The following HS2ST1 variants were observed in gnomAD, a reference collection of about 807,000 sequenced individuals.
HS2ST1 encodes the protein heparan sulfate 2-O-sulfotransferase 1, also known as 2-O-sulfotransferase.
In HS2ST1, 18 loss-of-function variants were observed where a neutral mutation model predicts 42.9. That is an observed-to-expected ratio of 0.42 (90% CI 0.29 to 0.62). HS2ST1 has a LOEUF of 0.62. Among genes scored for constraint, HS2ST1 ranks in the 20% least tolerant of loss-of-function variants. The probability of loss-of-function intolerance (pLI) is 0.21; values close to 1 mark genes in which losing one functional copy is unlikely to be tolerated. For synonymous variants in HS2ST1, 146 were observed against 152.9 expected (o/e 0.95, Z 0.33); for missense variants, 334 against 433.8 (o/e 0.77, Z 2.04).
intron 1 of HS2ST1, among the ~76,000 whole-genome samples, chr1:86,972,543 A>T (rs1231956860): frequency 3.3e-5 from 5 of 152,132 alleles, no homozygotes. Flanking sequence ...TTAATCTCTT[A>T]TTGTGCCTAA....
intron 1 of HS2ST1, among the ~76,000 whole-genome samples, chr1:86,951,839 T>A (rs539681814): frequency 6.6e-6 from 1 of 152,358 alleles, no homozygotes; most frequent in Admixed American, 6.5e-5. Context: ...TTGTTGTCAT[T>A]TCAGCATGTT....
In HS2ST1 at chr1:86,984,394, G is replaced by A. The variant is rs75383137; in HGVS notation, c.124+69234G>A. On this transcript the variant is annotated intron_variant, in intron 1 of 6. Transcript: ENST00000370550. ...TTGGAATTCATTTGGTTTCCTCGAC[G>A]CTTTCTAGCAGGAAGCTTTTCTCAA... 1.9e-3 allele frequency among the ~76,000 whole-genome samples: 294 copies of A among 152,258 alleles called. 1 individual carries two copies. Among genetic ancestry groups the A allele is most frequent in the African/African-American group, 6.7e-3 (280 of 41,548 alleles).
chr1:87,033,211 CTTT>C (rs752803008), intron 1 of HS2ST1, among the ~76,000 whole-genome samples: 5 of 152,224 alleles, frequency 3.3e-5, no homozygotes, highest in Admixed American at 6.5e-5. Flanking sequence ...CATGTCTAAT[CTTT>C]TTCCATCTGT....
intron 1 of HS2ST1, among the ~76,000 whole-genome samples, chr1:86,936,119 T>C (rs1039690805): frequency 3.3e-5 from 5 of 152,172 alleles, no homozygotes; most frequent in Non-Finnish European, 7.4e-5. Context: ...TTCCCTGCCT[T>C]CTGAAGAGTA....
chr1:87,077,173 C>G, intron 2 of HS2ST1, among the ~76,000 whole-genome samples: 1 of 152,176 alleles, frequency 6.6e-6, no homozygotes, highest in Non-Finnish European at 1.5e-5. Flanking sequence ...GATGATGATT[C>G]TCAGTAGGGA....
At chr1:86,973,267 A>G (rs1000663737) in intron 1 of HS2ST1, among the ~76,000 whole-genome samples, 3 of 150,562 alleles carry the variant, frequency 2.0e-5, no homozygotes, top group Non-Finnish European at 4.4e-5. Flanking sequence ...CTATGGATTT[A>G]TCATTCAAAA....
At chr1:87,061,668 T>C (rs1277443643) in intron 1 of HS2ST1, among the ~76,000 whole-genome samples, 1 of 152,202 alleles carries the variant, frequency 6.6e-6, no homozygotes, top group Non-Finnish European at 1.5e-5. Flanking sequence ...GGATTGTTTC[T>C]ACCTTTTGGC....
rs558333012 is a variant in HS2ST1, at chr1:87,085,974, A to C, written c.449+1695A>C. ...GAGTCTTATGTTATTTGAAGGGAAAAGTATTGTGAAAATTTTTCATAGATT... is the reference window on the plus strand; with the variant it reads ...GAGTCTTATGTTATTTGAAGGGAAACGTATTGTGAAAATTTTTCATAGATT... On this transcript the variant is annotated intron_variant, in intron 3 of 6. Coordinates refer to ENST00000370550, the MANE Select transcript of HS2ST1 (RefSeq NM_012262.4). Among the ~76,000 whole-genome samples, 10 of 152,304 alleles carry C rather than the reference A, an allele frequency of 6.6e-5. No homozygotes were observed. The South Asian group carries it at 2.1e-3, about 32-fold the overall frequency.
At position 87,107,212 on chromosome 1, in the gene HS2ST1, C is replaced by T. The variant is rs1207203855; in HGVS notation, c.*2516C>T. 1.3e-5 allele frequency: 2 copies of T among 152,004 alleles called. No individual in the cohort carries two copies. Among genetic ancestry groups the T allele is most frequent in the Non-Finnish European group, 2.9e-5 (2 of 67,930 alleles). The allele number at this position is 152,004 out of a possible 1,614,324, so 9.4% of individuals were successfully genotyped here. On this transcript the variant is annotated 3_prime_UTR_variant, in exon 7 of 7. Transcript: ENST00000370550. ...AAGAGTTTATATACTTCTAAAAGCT[C>T]CTAACTTATATCCAAAGAATTGCTT...
rs191664542 is a variant in HS2ST1 at position 86,994,539 on chromosome 1, A to G, written c.125-78395A>G. 2.6e-3 allele frequency among the ~76,000 whole-genome samples: 393 copies of G among 152,326 alleles called. 4 individuals are homozygous for G. Among genetic ancestry groups the G allele is most frequent in the Admixed American group, 0.015 (234 of 15,296 alleles). Reference sequence around the variant, plus strand: ...TATGAGATTGAAATTTGTTACACAAAGAGGTTACTATCCTTTTTTTGAGGA... The same window carrying G: ...TATGAGATTGAAATTTGTTACACAAGGAGGTTACTATCCTTTTTTTGAGGA... On this transcript the variant is annotated intron_variant, in intron 1 of 6. Transcript: ENST00000370550.
chr1:87,085,124 A>T (rs543146654), intron 3 of HS2ST1, among the ~76,000 whole-genome samples: 1 of 152,330 alleles, frequency 6.6e-6, no homozygotes, highest in East Asian at 1.9e-4. Flanking sequence ...TTGGTAGTAC[A>T]CATAGTACCA....
At chr1:87,075,007 T>C (rs1254414792) in intron 2 of HS2ST1, among the ~76,000 whole-genome samples, 1 of 152,116 alleles carries the variant, frequency 6.6e-6, no homozygotes, top group Non-Finnish European at 1.5e-5. Context: ...TTACTTCACT[T>C]TTAATCTAGT....
At chr1:86,998,014 A>G (rs1300258143) in intron 1 of HS2ST1, among the ~76,000 whole-genome samples, 1 of 152,200 alleles carries the variant, frequency 6.6e-6, no homozygotes, top group Non-Finnish European at 1.5e-5. Context: ...ATTGTCCACT[A>G]TCTGAATGAA....
At chr1:87,077,618 CCTGTCTTTTCCT>C (rs1181259225) in intron 2 of HS2ST1, among the ~76,000 whole-genome samples, 1 of 152,092 alleles carries the variant, frequency 6.6e-6, no homozygotes, top group East Asian at 1.9e-4. Context: ...TTGTTTACTG[CCTGTCTTTTCCT>C]CTATTATAAG....
At chr1:87,019,477 A>C in intron 1 of HS2ST1, among the ~76,000 whole-genome samples, 1 of 152,218 alleles carries the variant, frequency 6.6e-6, no homozygotes, top group Non-Finnish European at 1.5e-5. Flanking sequence ...AAATTTGTGA[A>C]ATATCTTTTT....
intron 1 of HS2ST1, among the ~76,000 whole-genome samples, chr1:86,988,729 C>T (rs921003427): frequency 6.6e-6 from 1 of 152,162 alleles, no homozygotes; most frequent in Non-Finnish European, 1.5e-5. Flanking sequence ...CCACTACTGC[C>T]GGAATGGCGT....
At chr1:87,036,575 A>C (rs1286901839) in intron 1 of HS2ST1, among the ~76,000 whole-genome samples, 1 of 152,216 alleles carries the variant, frequency 6.6e-6, no homozygotes, top group African/African-American at 2.4e-5. Flanking sequence ...AGGTTATAGG[A>C]ATGTAACAGT....
intron 1 of HS2ST1, among the ~76,000 whole-genome samples, chr1:87,063,587 G>A (rs1369601109): frequency 1.3e-5 from 2 of 152,188 alleles, no homozygotes; most frequent in African/African-American, 2.4e-5. Flanking sequence ...CACCCGCCTC[G>A]GCTTCCCTAA....
At chr1:87,065,488 C>T (rs888997101) in intron 1 of HS2ST1, among the ~76,000 whole-genome samples, 1 of 152,188 alleles carries the variant, frequency 6.6e-6, no homozygotes. Flanking sequence ...TGCATACTTA[C>T]CAGTGTCTTT....
Sources: allele counts gnomAD v4.1 joint callset (sites outside exome capture counted in the v4.1 genomes callset), GRCh38; gene constraint gnomAD v4.1.1; transcripts MANE v1.5; gene names NCBI Gene and HGNC (gene_info 2026-07-23, HGNC 2026-07-21).